Variants in SLC34A2 observed in about 807,000 individuals in gnomAD.
The protein encoded by SLC34A2 is solute carrier family 34 member 2, also known as sodium-dependent phosphate transport protein 2B.
A neutral mutation model predicts 50.8 loss-of-function variants in SLC34A2; 41 were observed. The ratio of observed to expected loss-of-function variants is 0.81; its 90% CI spans 0.63 to 1.05. The LOEUF (loss-of-function observed/expected upper bound fraction) is 1.05, where lower values mean the gene tolerates loss of function less well. SLC34A2 is among the 50% of genes least tolerant of loss of function. SLC34A2 has a pLI of 0.00. For synonymous variants in SLC34A2, 401 were observed against 364.2 expected (o/e 1.10, Z -1.15); for missense variants, 879 against 876.7 (o/e 1.00, Z -0.03).
At chr4:25,664,891 TC>T (rs147871432) in intron 4 of SLC34A2, 4,170 of 233,652 alleles carry the variant, frequency 0.018, 171 homozygotes, top group African/African-American at 0.082. Context: ...CAAGCAGCAC[TC>T]CGTCTACTGG....
At position 25,677,848 on chromosome 4, in the gene SLC34A2, C is replaced by G. The variant is rs1361127361; in HGVS notation, c.*1099C>G. The G allele has an allele frequency of 1.3e-5, 2 of 152,236 alleles. No individual in the cohort carries two copies. The highest frequency in any genetic ancestry group is 4.8e-5 in the African/African-American group (2 of 41,442). The allele number at this position is 152,236 out of a possible 1,614,324, so 9.4% of individuals were successfully genotyped here. On this transcript the variant is annotated 3_prime_UTR_variant, in exon 13 of 13. Coordinates refer to ENST00000382051, the MANE Select transcript of SLC34A2 (RefSeq NM_006424.3). ...CTGGAATCTCTTTCCAAACATTTTT[C>G]CATTTTCCCACAGATGGGCTTTGAT...
At chr4:25,665,929 T>G (rs1444565596) in intron 4 of SLC34A2, among the ~76,000 whole-genome samples, 199 bp from the exon 5 acceptor site, 6 of 152,118 alleles carry the variant, frequency 3.9e-5, no homozygotes, top group Non-Finnish European at 7.4e-5. Context: ...GGGCAGCTAG[T>G]AGATTTCCTG....
At chr4:25,671,462 G>A in intron 8 of SLC34A2, 139 bp from the exon 9 acceptor site, 1 of 1,001,024 alleles carries the variant, frequency 1.0e-6, no homozygotes. Flanking sequence ...AAGTCTTCAA[G>A]AGAAAAGAAC....
rs1715228357 is a variant in SLC34A2 at position 25,677,843 on chromosome 4, T to G, written c.*1094T>G. The G allele has an allele frequency of 6.6e-6, 1 of 152,210 alleles. No individual in the cohort carries two copies. Among genetic ancestry groups the G allele is most frequent in the Non-Finnish European group, 1.5e-5 (1 of 68,056 alleles). The allele number at this position is 152,210 out of a possible 1,614,324, so 9.4% of individuals were successfully genotyped here. The stretch of plus-strand genomic sequence containing the variant: ...ACCCACTGGAATCTCTTTCCAAACA[T>G]TTTTCCATTTTCCCACAGATGGGCT... On this transcript the variant is annotated 3_prime_UTR_variant, in exon 13 of 13. Transcript: ENST00000382051.
chr4:25,658,202 A>G (rs1196829222), intron 1 of SLC34A2, among the ~76,000 whole-genome samples: 1 of 152,194 alleles, frequency 6.6e-6, no homozygotes, highest in East Asian at 1.9e-4. Flanking sequence ...AAATTTGTGC[A>G]CCAATTTGCA....
chr4:25,668,293 A>G (rs1352859829), intron 6 of SLC34A2, among the ~76,000 whole-genome samples: 2 of 152,244 alleles, frequency 1.3e-5, no homozygotes, highest in Non-Finnish European at 2.9e-5. Flanking sequence ...CACTAAATAA[A>G]TGCAAACTCT....
chr4:25,670,980 C>A, intron 8 of SLC34A2, 147 bp downstream of exon 8: 1 of 705,898 alleles, frequency 1.4e-6, no homozygotes, highest in Non-Finnish European at 2.5e-6. Context: ...CCAGTGAATG[C>A]CTTTAGAAAA....
chr4:25,662,398 C>T, intron 1 of SLC34A2, 100 bp from the exon 2 acceptor site: 1 of 1,067,154 alleles, frequency 9.4e-7, no homozygotes. Flanking sequence ...CCGAAACCCC[C>T]ACCCAGTTGA....
intron 1 of SLC34A2, among the ~76,000 whole-genome samples, chr4:25,662,026 C>T (rs1714216582): frequency 6.6e-6 from 1 of 152,114 alleles, no homozygotes. Context: ...GCGTGTGCCA[C>T]CACGCCGGCT....
At chr4:25,667,387 C>T (rs182790098) in intron 5 of SLC34A2, among the ~76,000 whole-genome samples, 10 of 152,286 alleles carry the variant, frequency 6.6e-5, no homozygotes, top group Non-Finnish European at 1.5e-4. Context: ...TGGTGCATGC[C>T]TCCAGTCTCA....
At chr4:25,668,600 C>T (rs1290351676) in intron 6 of SLC34A2, among the ~76,000 whole-genome samples, 1 of 151,244 alleles carries the variant, frequency 6.6e-6, no homozygotes, top group African/African-American at 2.4e-5. Flanking sequence ...CGAGATCGTG[C>T]CACTGCACTC....
rs1372230590 is a variant in SLC34A2, at chr4:25,676,437, C to A, written c.1761C>A (p.Leu587=). 6.2e-7 allele frequency: 1 copy of A among 1,614,156 alleles called. No individual in the cohort carries two copies. The highest frequency in any genetic ancestry group is 8.5e-7 in the Non-Finnish European group (1 of 1,180,008). ...GCCCACGCGTCCTGCCGAAGAAACTCCAGAACTGGAACTTCCTGCCGCTGT... is the reference window on the plus strand; with the variant it reads ...GCCCACGCGTCCTGCCGAAGAAACTACAGAACTGGAACTTCCTGCCGCTGT... ...SRCPRVLPKK[L]QNWNFLPLWM... Residue 587 remains leucine, a synonymous_variant, in exon 13 of 13, where the codon CTC becomes CTA. Transcript: ENST00000382051.
Position 25,667,890 on chromosome 4 carries a change from T to C in SLC34A2, c.534T>C (p.Val178=). Residue 178 remains valine (V), a synonymous_variant, in exon 6 of 13, where the codon GTT becomes GTC. Transcript: ENST00000382051. ...TTTTCCATCCTCTAGTGCTCACTGTTCGGGCTGCCATCCCCATTATCATGG... is the reference window on the plus strand; with the variant it reads ...TTTTCCATCCTCTAGTGCTCACTGTCCGGGCTGCCATCCCCATTATCATGG... The part of the protein sequence containing the change: ...VSMVSSSLLT[V]RAAIPIIMGA... The C allele has an allele frequency of 6.2e-7, 1 of 1,612,352 alleles. No individual in the cohort carries two copies. The highest frequency in any genetic ancestry group is 8.5e-7 in the Non-Finnish European group (1 of 1,178,356).
In SLC34A2 at chr4:25,667,956, G is replaced by T. The variant is rs759098415; in HGVS notation, c.600G>T (p.Ala200=). 6.2e-7 allele frequency: 1 copy of T among 1,613,554 alleles called. No homozygotes were observed. The highest frequency in any genetic ancestry group is 1.3e-5 in the African/African-American group (1 of 74,914). The change falls in exon 6 of 13, where the codon GCG becomes GCT. Residue 200 remains alanine, a synonymous_variant. Coordinates refer to ENST00000382051, the MANE Select transcript of SLC34A2 (RefSeq NM_006424.3). ...CGTCAATCACCAACACTATTGTTGC[G>T]CTCATGCAGGTGGGAGATCGGAGTG... ...IGTSITNTIV[A]LMQVGDRSEF...
rs751356705 is a variant in SLC34A2 at position 25,662,752 on chromosome 4, T to C, written c.160T>C (p.Tyr54His). Residue 54 changes from tyrosine to histidine, a missense_variant, in exon 3 of 13, where the codon TAC becomes CAC. Transcript: ENST00000382051. ...PVTKIELLPS[Y>H]STATLIDEPT... The stretch of plus-strand genomic sequence containing the variant: ...AACCAAGATTGAACTTCTGCCGTCC[T>C]ACTCCACGGCTACACTGATAGATGA... The C allele has an allele frequency of 1.9e-6, 3 of 1,613,972 alleles. No homozygotes were observed. Among genetic ancestry groups the C allele is most frequent in the Non-Finnish European group, 1.7e-6 (2 of 1,179,998 alleles).
chr4:25,668,113 A>G, intron 6 of SLC34A2, 122 bp downstream of exon 6: 2 of 733,088 alleles, frequency 2.7e-6, no homozygotes, highest in South Asian at 3.0e-5. Context: ...AGTTCCTAGA[A>G]GTAACCACAG....
intron 1 of SLC34A2, among the ~76,000 whole-genome samples, chr4:25,659,448 G>A (rs769470518): frequency 4.6e-5 from 7 of 151,616 alleles, no homozygotes; most frequent in Non-Finnish European, 1.0e-4. Context: ...GGTACACACA[G>A]TGGAAATGAG....
At chr4:25,667,292 A>G (rs1714550297) in intron 5 of SLC34A2, among the ~76,000 whole-genome samples, 1 of 152,140 alleles carries the variant, frequency 6.6e-6, no homozygotes, top group South Asian at 2.1e-4. Flanking sequence ...TGGGAGGCTC[A>G]CCTGAGGTTG....
At chr4:25,671,828 C>T (rs1020505663) in intron 9 of SLC34A2, 107 bp downstream of exon 9, 36 of 1,455,028 alleles carry the variant, frequency 2.5e-5, no homozygotes, top group Non-Finnish European at 3.4e-5. Context: ...TAGGAGTCAC[C>T]AAGCACCTGC....
Sources: allele counts gnomAD v4.1 joint callset (sites outside exome capture counted in the v4.1 genomes callset), GRCh38; gene constraint gnomAD v4.1.1; transcripts MANE v1.5; gene names NCBI Gene and HGNC (gene_info 2026-07-23, HGNC 2026-07-21).